GRAMD1C: variants seen among roughly 807,000 people sequenced by gnomAD.
The protein encoded by GRAMD1C is GRAM domain containing 1C.
In GRAMD1C, 89 loss-of-function variants were observed where a neutral mutation model predicts 97.8. The observed-to-expected ratio is 0.91, with a 90% CI of 0.77 to 1.09. GRAMD1C has a LOEUF of 1.09. Among genes scored for constraint, GRAMD1C ranks in the 50% least tolerant of loss-of-function variants. GRAMD1C has a pLI of 0.00. For synonymous variants in GRAMD1C, 256 were observed against 267.0 expected, an observed-to-expected ratio of 0.96 and a Z score of 0.40; for missense variants, 740 against 766.4, an observed-to-expected ratio of 0.97 and a Z score of 0.41.
At chr3:113,841,731 T>C (rs952051932) in intron 1 of GRAMD1C, among the ~76,000 whole-genome samples, 1 of 152,202 alleles carries the variant, frequency 6.6e-6, no homozygotes, top group African/African-American at 2.4e-5. Context: ...AGAGTCTTGC[T>C]CTGTCACCTG....
intron 6 of GRAMD1C, among the ~76,000 whole-genome samples, chr3:113,886,921 A>G (rs1345376708): frequency 2.0e-5 from 3 of 150,392 alleles, no homozygotes; most frequent in African/African-American, 7.3e-5. Context: ...AGCTGGGATT[A>G]TAGGCATGCG....
At chr3:113,854,639 G>A (rs761433400) in intron 2 of GRAMD1C, among the ~76,000 whole-genome samples, 3 of 151,996 alleles carry the variant, frequency 2.0e-5, no homozygotes, top group Non-Finnish European at 4.4e-5. Flanking sequence ...ATCTTCCTTT[G>A]TAAAATTTGA....
At chr3:113,850,434 T>G in intron 2 of GRAMD1C, 1 of 1,225,676 alleles carries the variant, frequency 8.2e-7, no homozygotes, top group Non-Finnish European at 1.2e-6. Context: ...GGCCTGCCAG[T>G]CTCTGGATGG....
At chr3:113,854,516 G>T (rs980626615) in intron 2 of GRAMD1C, among the ~76,000 whole-genome samples, 7 of 152,298 alleles carry the variant, frequency 4.6e-5, no homozygotes, top group African/African-American at 1.7e-4. Context: ...TGAGTTAGGT[G>T]CAACCTGAGA....
chr3:113,904,030 C>G, intron 7 of GRAMD1C, 110 bp from the exon 8 acceptor site: 1 of 695,196 alleles, frequency 1.4e-6, no homozygotes, highest in Admixed American at 2.7e-5. Context: ...TTACAGTAGT[C>G]CATTTATTAT....
At position 113,887,556 on chromosome 3, in the gene GRAMD1C, C is replaced by T. The variant is rs188107285; in HGVS notation, c.540+4724C>T. Among the ~76,000 whole-genome samples the T allele has an allele frequency of 6.4e-3, 961 of 151,332 alleles. 6 individuals are homozygous for T. Among genetic ancestry groups the T allele is most frequent in the African/African-American group, 0.022 (895 of 41,318 alleles). ...TCTACTAAAAATACAAAAAATTAGCCGGGCATGGTGGTAGGGCACCTGTAG... is the reference window on the plus strand; with the variant it reads ...TCTACTAAAAATACAAAAAATTAGCTGGGCATGGTGGTAGGGCACCTGTAG... On this transcript the variant is annotated intron_variant, in intron 6 of 17. Coordinates refer to ENST00000358160, the MANE Select transcript of GRAMD1C (RefSeq NM_017577.5).
intron 3 of GRAMD1C, among the ~76,000 whole-genome samples, chr3:113,874,876 C>T (rs1393677987): frequency 1.3e-5 from 2 of 152,208 alleles, no homozygotes; most frequent in Admixed American, 6.5e-5. Context: ...AATTCATTCT[C>T]ACAATGTGAA....
chr3:113,882,196 T>C (rs1057187089), intron 5 of GRAMD1C, among the ~76,000 whole-genome samples: 1 of 152,150 alleles, frequency 6.6e-6, no homozygotes, highest in African/African-American at 2.4e-5. Flanking sequence ...TACTTTTCTC[T>C]TATAGCATTC....
chr3:113,884,985 C>T (rs1415274184), intron 6 of GRAMD1C, among the ~76,000 whole-genome samples: 2 of 137,758 alleles, frequency 1.5e-5, no homozygotes, highest in Non-Finnish European at 3.1e-5. Context: ...CCTTCCCCTT[C>T]CCTCCTGGTC....
At chr3:113,931,534 T>C (rs1937421350) in intron 11 of GRAMD1C, among the ~76,000 whole-genome samples, 1 of 152,050 alleles carries the variant, frequency 6.6e-6, no homozygotes, top group African/African-American at 2.4e-5. Flanking sequence ...AATTTTTGTA[T>C]TTTTAGTAGA....
intron 4 of GRAMD1C, 43 bp downstream of exon 4, chr3:113,875,630 T>C (rs552214467): frequency 1.2e-6 from 1 of 849,578 alleles, no homozygotes; most frequent in Non-Finnish European, 2.1e-6. Flanking sequence ...AATAATTGCA[T>C]AGAGATATAT....
intron 8 of GRAMD1C, among the ~76,000 whole-genome samples, chr3:113,906,940 G>A (rs1359656614): frequency 1.3e-5 from 2 of 152,144 alleles, no homozygotes; most frequent in Admixed American, 1.3e-4. Flanking sequence ...AGAGTAACAT[G>A]CTGTCCAGGT....
intron 10 of GRAMD1C, among the ~76,000 whole-genome samples, chr3:113,922,353 G>A (rs544356191): frequency 9.2e-5 from 14 of 152,136 alleles, no homozygotes; most frequent in Non-Finnish European, 1.6e-4. Context: ...GATTACAGGC[G>A]TGAACCACCA....
rs536433664 is a variant in GRAMD1C, at chr3:113,919,029, T to A, written c.1090+3191T>A. Among the ~76,000 whole-genome samples the A allele has an allele frequency of 2.3e-3, 350 of 152,336 alleles. 1 individual carries two copies. The highest frequency in any genetic ancestry group is 0.014 in the Middle Eastern group (4 of 294). Reference sequence around the variant, plus strand: ...AGATCGAGTTTCAAAGGCTCCTTTTTAAAAATATTAAGAATTTAATGATTT... The same window carrying A: ...AGATCGAGTTTCAAAGGCTCCTTTTAAAAAATATTAAGAATTTAATGATTT... On this transcript the variant is annotated intron_variant, in intron 10 of 17. Transcript: ENST00000358160.
At chr3:113,921,812 G>T (rs576087634) in intron 10 of GRAMD1C, among the ~76,000 whole-genome samples, 2 of 152,064 alleles carry the variant, frequency 1.3e-5, no homozygotes, top group South Asian at 4.2e-4. Flanking sequence ...GGGTTGTTTG[G>T]TTTTTTGCTT....
At chr3:113,853,316 TA>T (rs1426785553) in intron 2 of GRAMD1C, among the ~76,000 whole-genome samples, 1 of 151,972 alleles carries the variant, frequency 6.6e-6, no homozygotes, top group Non-Finnish European at 1.5e-5. Flanking sequence ...CACTGAGAGA[TA>T]AAGAGAGAAA....
intron 6 of GRAMD1C, among the ~76,000 whole-genome samples, chr3:113,894,843 T>A (rs1229917964): frequency 1.3e-5 from 2 of 152,216 alleles, no homozygotes; most frequent in Non-Finnish European, 2.9e-5. Context: ...GCTTTTTAAA[T>A]GTATACAGAT....
intron 11 of GRAMD1C, among the ~76,000 whole-genome samples, chr3:113,933,213 G>A (rs944100001): frequency 1.3e-5 from 2 of 151,834 alleles, no homozygotes; most frequent in African/African-American, 4.8e-5. Context: ...AATTTTTTTT[G>A]TAGAGGCTGG....
intron 10 of GRAMD1C, among the ~76,000 whole-genome samples, chr3:113,921,451 A>G (rs146215446): frequency 0.016 from 2,440 of 152,334 alleles, 63 homozygotes; most frequent in African/African-American, 0.056. Flanking sequence ...TGGTAGAACA[A>G]TTTATATTCC....
Sources: gnomAD v4.1 joint callset for allele counts (sites outside exome capture counted in the v4.1 genomes callset) on GRCh38, gnomAD v4.1.1 for gene constraint, MANE v1.5 for transcripts, NCBI Gene and HGNC (gene_info 2026-07-23, HGNC 2026-07-21) for gene names.